Variants in NELL2 observed in about 807,000 individuals in gnomAD.
NELL2 encodes the protein neural EGFL like 2, also known as protein kinase C-binding protein NELL2.
In NELL2, 41 loss-of-function variants were observed where a neutral mutation model predicts 109.6. That is an observed-to-expected ratio of 0.37 (90% confidence interval 0.29 to 0.49). The LOEUF (loss-of-function observed/expected upper bound fraction) is 0.49. Ranked by LOEUF, NELL2 falls within the 20% of genes least tolerant of loss-of-function variation. The probability of loss-of-function intolerance (pLI) is 0.98; values close to 1 mark genes in which losing one functional copy is unlikely to be tolerated. For synonymous variants in NELL2, 355 were observed against 344.7 expected (o/e 1.03, Z -0.33); for missense variants, 900 against 1,008.3 (o/e 0.89, Z 1.45).
intron 13 of NELL2, among the ~76,000 whole-genome samples, chr12:44,633,443 T>C (rs1946526212): frequency 6.6e-6 from 1 of 152,110 alleles, no homozygotes; most frequent in Non-Finnish European, 1.5e-5. Context: ...CCAGTATGAT[T>C]TGCAGCAGTG....
In NELL2 at chr12:44,696,429, G is replaced by GA. The variant is rs1949063827; in HGVS notation, c.1318+7296dup. ...TTTAGGTAGAATTCAAATCTTAGGG[G>GA]AAAAAATGAGTGTTCTGTAAAAGCA... On this transcript the variant is annotated intron_variant, in intron 12 of 19. Transcript: ENST00000429094. Among the ~76,000 whole-genome samples the GA allele has an allele frequency of 3.9e-5, 6 of 152,228 alleles. No homozygotes were observed. The East Asian group carries it at 9.7e-4, about 24-fold the overall frequency.
At chr12:44,569,353 G>T (rs571589296) in intron 15 of NELL2, among the ~76,000 whole-genome samples, 1 of 152,134 alleles carries the variant, frequency 6.6e-6, no homozygotes, top group African/African-American at 2.4e-5. Context: ...TATGCATGCA[G>T]GTGTCTTTAC....
At chr12:44,593,531 TC>T (rs1944837364) in intron 15 of NELL2, among the ~76,000 whole-genome samples, 1 of 152,204 alleles carries the variant, frequency 6.6e-6, no homozygotes, top group African/African-American at 2.4e-5. Flanking sequence ...CTCTATCTTT[TC>T]TTTAAAAAAG....
intron 13 of NELL2, among the ~76,000 whole-genome samples, chr12:44,611,206 G>A (rs572250635): frequency 1.3e-5 from 2 of 152,038 alleles, no homozygotes; most frequent in East Asian, 1.9e-4. Context: ...GCCTACCAAC[G>A]GTTGCAAGAA....
At chr12:44,882,914 C>T (rs968674898) in intron 1 of NELL2, among the ~76,000 whole-genome samples, 9 of 143,322 alleles carry the variant, frequency 6.3e-5, no homozygotes, top group Non-Finnish European at 1.2e-4. Flanking sequence ...AGTCTCAACT[C>T]ACTGCAATCT....
At position 44,602,400 on chromosome 12, in the gene NELL2, C is replaced by A. The variant is rs1273644283; in HGVS notation, c.1663+4769G>T. On this transcript the variant is annotated intron_variant, in intron 15 of 19. Coordinates refer to ENST00000429094, the MANE Select transcript of NELL2 (RefSeq NM_001145108.2). ...CTGAATTTAATAGGATAGTAAAGAA[C>A]TAGAAGCAAAGCTTCCTTAATTCCA... Among the ~76,000 whole-genome samples, 3 of 152,230 alleles carry A rather than the reference C, an allele frequency of 2.0e-5. No homozygotes were observed. The East Asian group carries it at 5.8e-4, about 29-fold the overall frequency.
intron 9 of NELL2, among the ~76,000 whole-genome samples, chr12:44,748,450 A>T (rs1332139874): frequency 1.3e-5 from 2 of 152,162 alleles, no homozygotes; most frequent in Non-Finnish European, 2.9e-5. Context: ...ATAAAAATAA[A>T]GATCCTATCT....
intron 2 of NELL2, among the ~76,000 whole-genome samples, chr12:44,830,576 C>T (rs890001092): frequency 6.6e-6 from 1 of 152,160 alleles, no homozygotes; most frequent in South Asian, 2.1e-4. Context: ...GTTTCAGACA[C>T]CAGCCTTCAT....
intron 15 of NELL2, among the ~76,000 whole-genome samples, chr12:44,554,415 T>C (rs773778314): frequency 7.2e-5 from 11 of 152,222 alleles, no homozygotes; most frequent in Non-Finnish European, 1.0e-4. Flanking sequence ...TAACATACAA[T>C]GACAGAAAGC....
At chr12:44,867,891 G>A (rs1401822125) in intron 2 of NELL2, among the ~76,000 whole-genome samples, 1 of 151,982 alleles carries the variant, frequency 6.6e-6, no homozygotes, top group Non-Finnish European at 1.5e-5. Context: ...AGCCCGAGGC[G>A]GTCCAATCAC....
chr12:44,747,771 T>C (rs1940457538), intron 9 of NELL2, among the ~76,000 whole-genome samples: 1 of 152,154 alleles, frequency 6.6e-6, no homozygotes, highest in Non-Finnish European at 1.5e-5. Context: ...GCTGCGCTTC[T>C]GGTGTTCCAT....
chr12:44,909,007 C>A (rs1487029775), intron 1 of NELL2, among the ~76,000 whole-genome samples: 2 of 151,530 alleles, frequency 1.3e-5, no homozygotes, highest in Non-Finnish European at 3.0e-5. Context: ...ATTGAGAAAT[C>A]AATACAATGC....
intron 3 of NELL2, among the ~76,000 whole-genome samples, chr12:44,787,139 A>G (rs553667655): frequency 6.6e-6 from 1 of 152,196 alleles, no homozygotes; most frequent in Non-Finnish European, 1.5e-5. Context: ...GCAAAAATAC[A>G]TGGATACCAA....
At chr12:44,560,738 A>T (rs1330613270) in intron 15 of NELL2, among the ~76,000 whole-genome samples, 2 of 152,210 alleles carry the variant, frequency 1.3e-5, no homozygotes, top group African/African-American at 2.4e-5. Context: ...TTACAGCCGA[A>T]TTCTACCAGA....
intron 9 of NELL2, among the ~76,000 whole-genome samples, chr12:44,736,225 G>A (rs1455186810): frequency 6.6e-6 from 1 of 151,598 alleles, no homozygotes; most frequent in Non-Finnish European, 1.5e-5. Context: ...CAGCCAGGAT[G>A]GTCTCAATCT....
chr12:44,665,898 G>A (rs552723777), intron 12 of NELL2, among the ~76,000 whole-genome samples: 1 of 152,236 alleles, frequency 6.6e-6, no homozygotes, highest in South Asian at 2.1e-4. Flanking sequence ...TTGATAAAAT[G>A]AATCAGAATG....
intron 8 of NELL2, among the ~76,000 whole-genome samples, chr12:44,775,147 T>C (rs1316449676): frequency 6.7e-6 from 1 of 149,486 alleles, no homozygotes; most frequent in Non-Finnish European, 1.5e-5. Context: ...CAATTTAACC[T>C]TTGCTCCCCA....
chr12:44,547,175 G>A (rs548032815), intron 15 of NELL2, among the ~76,000 whole-genome samples: 16 of 152,266 alleles, frequency 1.1e-4, no homozygotes, highest in Admixed American at 9.8e-4. Context: ...CTATAAAAAG[G>A]CTTGGTACGA....
intron 3 of NELL2, among the ~76,000 whole-genome samples, chr12:44,806,715 A>G (rs1466245430): frequency 7.2e-5 from 11 of 151,910 alleles, no homozygotes; most frequent in Admixed American, 5.9e-4. Context: ...ATACAACAGT[A>G]TACTACATTT....
Sources: allele counts gnomAD v4.1 joint callset (sites outside exome capture counted in the v4.1 genomes callset), GRCh38; gene constraint gnomAD v4.1.1; transcripts MANE v1.5; gene names NCBI Gene and HGNC (gene_info 2026-07-23, HGNC 2026-07-21).